Variants in ANKRD11 observed in about 807,000 individuals in gnomAD.
ANKRD11 encodes the protein ankyrin repeat domain 11, also known as ankyrin repeat domain-containing protein 11.
In ANKRD11, 17 loss-of-function variants were observed where a neutral mutation model predicts 195.7. The ratio of observed to expected loss-of-function variants is 0.09; its 90% CI spans 0.06 to 0.13. The LOEUF (loss-of-function observed/expected upper bound fraction) is 0.13, where lower values mean the gene tolerates loss of function less well. Ranked by LOEUF, ANKRD11 falls within the 10% of genes least tolerant of loss-of-function variation. The pLI, the probability that ANKRD11 is intolerant of heterozygous loss-of-function variation, is 1.00. For synonymous variants in ANKRD11, 1,953 were observed against 1,528.1 expected (o/e 1.28, Z -6.49); for missense variants, 3,735 against 3,566.1 (o/e 1.05, Z -1.21).
chr16:89,319,644 C>G (rs2037184052), intron 2 of ANKRD11, among the ~76,000 whole-genome samples: 1 of 152,252 alleles, frequency 6.6e-6, no homozygotes, highest in South Asian at 2.1e-4. Context: ...GAACCACCAC[C>G]CTCATCACAG....
chr16:89,374,276 C>A (rs988739881), intron 2 of ANKRD11, among the ~76,000 whole-genome samples: 1 of 152,048 alleles, frequency 6.6e-6, no homozygotes, highest in Non-Finnish European at 1.5e-5. Flanking sequence ...TAATTCTCTT[C>A]ACTTAAAAAA....
In ANKRD11 at chr16:89,337,873, T is replaced by C. The variant is rs994112630; in HGVS notation, c.-59-20795A>G. Among the ~76,000 whole-genome samples, 86 of 152,262 alleles carry C rather than the reference T, an allele frequency of 5.6e-4. 1 individual carries two copies. Among genetic ancestry groups the C allele is most frequent in the African/African-American group, 1.7e-3 (70 of 41,546 alleles). ...CTCCCTCTGTTCTCTAATGGTGTGGTCTTCAGTCTACTGTGTGTGGAATCC... is the reference window on the plus strand; with the variant it reads ...CTCCCTCTGTTCTCTAATGGTGTGGCCTTCAGTCTACTGTGTGTGGAATCC... On this transcript the variant is annotated intron_variant, in intron 2 of 12. Coordinates refer to ENST00000301030, the MANE Select transcript of ANKRD11 (RefSeq NM_013275.6).
intron 1 of ANKRD11, among the ~76,000 whole-genome samples, chr16:89,445,747 G>C (rs1315892691): frequency 1.3e-5 from 2 of 152,138 alleles, no homozygotes; most frequent in African/African-American, 4.8e-5. Context: ...GGCTGAGGCA[G>C]GCAGATCACC....
chr16:89,462,936 GGGAGGT>G (rs1198460162), intron 1 of ANKRD11, among the ~76,000 whole-genome samples: 1 of 151,682 alleles, frequency 6.6e-6, no homozygotes, highest in African/African-American at 2.4e-5. Flanking sequence ...CCGTCCGGGA[GGGAGGT>G]GGAGGTGGGG....
intron 2 of ANKRD11, among the ~76,000 whole-genome samples, chr16:89,380,819 G>A (rs976341079): frequency 5.3e-5 from 8 of 152,270 alleles, no homozygotes; most frequent in Non-Finnish European, 1.2e-4. Context: ...TGGGGCTTAT[G>A]GGAGGAAGGA....
chr16:89,374,644 G>A (rs1214076149), intron 2 of ANKRD11, among the ~76,000 whole-genome samples: 2 of 152,192 alleles, frequency 1.3e-5, no homozygotes, highest in East Asian at 1.9e-4. Context: ...CATCTCCCGC[G>A]TGCTACGATC....
At position 89,283,672 on chromosome 16, in the gene ANKRD11, C is replaced by T. The variant is rs575382259; in HGVS notation, c.2870G>A (p.Ser957Asn). 6.4e-5 allele frequency: 104 copies of T among 1,612,406 alleles called. No homozygotes were observed. The South Asian group carries it at 1.1e-3, about 18-fold the overall frequency. Residue 957 changes from serine (S) to asparagine (N), a missense_variant, in exon 9 of 13, where the codon AGC becomes AAC. Transcript: ENST00000301030. The surrounding 1 kb of genome is among the most constrained non-coding windows in gnomAD (Gnocchi z 4.3). ...AGRDRKDALE[S>N]CKERRDGRAK... Reference sequence around the variant, plus strand: ...CCTGCCGTCCCTGCGCTCCTTGCAGCTCTCCAGGGCGTCCTTTCTGTCCCG... The same window carrying T: ...CCTGCCGTCCCTGCGCTCCTTGCAGTTCTCCAGGGCGTCCTTTCTGTCCCG...
intron 2 of ANKRD11, among the ~76,000 whole-genome samples, chr16:89,408,372 A>G (rs373690750): frequency 1.2e-4 from 18 of 152,382 alleles, no homozygotes; most frequent in African/African-American, 3.1e-4. Context: ...TGATGCACAG[A>G]AAGGCCAGCA....
At chr16:89,415,631 C>G (rs928139923) in intron 2 of ANKRD11, among the ~76,000 whole-genome samples, 4 of 151,026 alleles carry the variant, frequency 2.6e-5, no homozygotes, top group African/African-American at 9.7e-5. Context: ...CATTCAAGAC[C>G]AGCCTGGCCA....
At chr16:89,439,675 TCACA>T (rs1373725704) in intron 1 of ANKRD11, among the ~76,000 whole-genome samples, 1 of 152,100 alleles carries the variant, frequency 6.6e-6, no homozygotes, top group South Asian at 2.1e-4. Flanking sequence ...TCTACACCAC[TCACA>T]CACAACACCA....
chr16:89,343,022 T>G (rs1389830683), intron 2 of ANKRD11, among the ~76,000 whole-genome samples: 1 of 152,180 alleles, frequency 6.6e-6, no homozygotes, highest in Admixed American at 6.5e-5. Flanking sequence ...TATAAGCGCT[T>G]TTTAAATTTT....
At chr16:89,306,356 T>C (rs2036241462) in intron 3 of ANKRD11, among the ~76,000 whole-genome samples, 1 of 57,886 alleles carries the variant, frequency 1.7e-5, no homozygotes, top group Admixed American at 1.8e-4. Flanking sequence ...GCCACCTACC[T>C]CCCACTCCGC....
chr16:89,278,457 G>A (rs907835817), intron 9 of ANKRD11: 8 of 449,782 alleles, frequency 1.8e-5, no homozygotes, highest in Non-Finnish European at 3.6e-5. Flanking sequence ...AGCTGGGGGA[G>A]TGGGGGTGAT....
At chr16:89,422,981 C>T (rs2042574303) in intron 1 of ANKRD11, among the ~76,000 whole-genome samples, 1 of 152,214 alleles carries the variant, frequency 6.6e-6, no homozygotes, top group African/African-American at 2.4e-5. Flanking sequence ...CTAAGATGAG[C>T]AATTCTTTCT....
In ANKRD11 at chr16:89,317,051, C is replaced by T. The variant is rs761629656; in HGVS notation, c.-32G>A. The T allele has an allele frequency of 1.3e-5, 21 of 1,600,248 alleles. No individual in the cohort carries two copies. The highest frequency in any genetic ancestry group is 3.4e-5 in the South Asian group (3 of 89,278). Reference sequence around the variant, plus strand: ...GCTCCTCACCCGATCTTCATTTACACGGCCGGCGCTTCATCATCAACCGTC... The same window carrying T: ...GCTCCTCACCCGATCTTCATTTACATGGCCGGCGCTTCATCATCAACCGTC... On this transcript the variant is annotated 5_prime_UTR_variant, in exon 3 of 13. It adds an upstream start codon to the 5' untranslated region. Transcript: ENST00000301030.
At chr16:89,396,868 G>C (rs2041458451) in intron 2 of ANKRD11, among the ~76,000 whole-genome samples, 1 of 152,098 alleles carries the variant, frequency 6.6e-6, no homozygotes, top group Non-Finnish European at 1.5e-5. Flanking sequence ...TATATTTTTA[G>C]TAAAGACGGG....
At chr16:89,345,264 C>CG (rs2038885662) in intron 2 of ANKRD11, among the ~76,000 whole-genome samples, 1 of 148,988 alleles carries the variant, frequency 6.7e-6, no homozygotes, top group African/African-American at 2.5e-5. Flanking sequence ...CCCCACCCCC[C>CG]GGCAAAAGGA....
chr16:89,395,694 G>A (rs1329694135), intron 2 of ANKRD11: 2 of 152,214 alleles, frequency 1.3e-5, no homozygotes, highest in African/African-American at 4.8e-5. Context: ...CACACAGACT[G>A]ACCTGATTCA....
chr16:89,351,052 C>T (rs1300441176), intron 2 of ANKRD11, among the ~76,000 whole-genome samples: 3 of 152,130 alleles, frequency 2.0e-5, no homozygotes, highest in Admixed American at 6.5e-5. Flanking sequence ...AGGATGCATC[C>T]CCCGACCGCT....
Sources: gnomAD v4.1 joint callset for allele counts (sites outside exome capture counted in the v4.1 genomes callset) on GRCh38, gnomAD v4.1.1 for gene constraint, Gnocchi (gnomAD v3.1) non-coding constraint, MANE v1.5 for transcripts, NCBI Gene and HGNC (gene_info 2026-07-23, HGNC 2026-07-21) for gene names.